Variants in WWOX observed in about 807,000 individuals in gnomAD.
WWOX encodes WW domain-containing oxidoreductase.
In WWOX, 69 loss-of-function variants were observed where a neutral mutation model predicts 46.2. That is an observed-to-expected ratio of 1.49 (90% CI 1.23 to 1.82). The LOEUF (loss-of-function observed/expected upper bound fraction) is 1.82, where lower values mean the gene tolerates loss of function less well. Ranked by LOEUF, WWOX falls within the 40% of genes most tolerant of loss-of-function variation. The pLI, the probability that WWOX is intolerant of heterozygous loss-of-function variation, is 0.00. For synonymous variants in WWOX, 359 were observed against 202.6 expected (o/e 1.77, Z -6.56); for missense variants, 919 against 542.6 (o/e 1.69, Z -6.89).
At chr16:78,784,804 C>T (rs1001309978) in intron 8 of WWOX, among the ~76,000 whole-genome samples, 1 of 152,156 alleles carries the variant, frequency 6.6e-6, no homozygotes, top group African/African-American at 2.4e-5. Flanking sequence ...TAAGGACTCA[C>T]ATGTGTCGGT....
chr16:78,411,540 G>C (rs1038106293), intron 6 of WWOX, among the ~76,000 whole-genome samples: 23 of 152,172 alleles, frequency 1.5e-4, no homozygotes, highest in African/African-American at 5.5e-4. Flanking sequence ...AAGGAGAAGG[G>C]GGTGTAGTTG....
intron 4 of WWOX, among the ~76,000 whole-genome samples, chr16:78,141,885 G>T (rs1177996200): frequency 6.6e-6 from 1 of 151,926 alleles, no homozygotes; most frequent in Non-Finnish European, 1.5e-5. Flanking sequence ...GTTACTGACA[G>T]CCTGTCATAG....
At chr16:78,348,348 C>T (rs1282438206) in intron 5 of WWOX, among the ~76,000 whole-genome samples, 1 of 120,936 alleles carries the variant, frequency 8.3e-6, no homozygotes, top group African/African-American at 2.8e-5. Flanking sequence ...TGGCAAAGAA[C>T]CATCCCAGCA....
intron 8 of WWOX, among the ~76,000 whole-genome samples, chr16:78,678,102 C>A (rs1176229225): frequency 6.6e-6 from 1 of 152,204 alleles, no homozygotes; most frequent in Non-Finnish European, 1.5e-5. Flanking sequence ...CACTGCCCTC[C>A]CCCTCCCCAC....
At chr16:78,666,647 T>C (rs576579626) in intron 8 of WWOX, among the ~76,000 whole-genome samples, 1 of 152,314 alleles carries the variant, frequency 6.6e-6, no homozygotes, top group African/African-American at 2.4e-5. Flanking sequence ...ATCTGCTGAT[T>C]GGCAAGGTCA....
chr16:78,427,834 C>T (rs138469298), intron 7 of WWOX, among the ~76,000 whole-genome samples: 1 of 152,140 alleles, frequency 6.6e-6, no homozygotes, highest in Non-Finnish European at 1.5e-5. Flanking sequence ...GGCACAGTGT[C>T]TCACGCCTGT....
chr16:79,193,129 C>G (rs1471637542), intron 8 of WWOX, among the ~76,000 whole-genome samples: 2 of 152,194 alleles, frequency 1.3e-5, no homozygotes, highest in East Asian at 3.8e-4. Flanking sequence ...AGACTTCATT[C>G]TCTTGTGGGT....
intron 8 of WWOX, among the ~76,000 whole-genome samples, chr16:78,764,283 G>C (rs1323464826): frequency 1.3e-5 from 2 of 151,748 alleles, no homozygotes; most frequent in Non-Finnish European, 2.9e-5. Flanking sequence ...GGGAGGAGCT[G>C]CCACCCAGTC....
At chr16:78,781,862 C>T (rs1214433300) in intron 8 of WWOX, among the ~76,000 whole-genome samples, 1 of 152,188 alleles carries the variant, frequency 6.6e-6, no homozygotes, top group Non-Finnish European at 1.5e-5. Flanking sequence ...GAGCAGGTAA[C>T]ATGCATTGAA....
intron 8 of WWOX, among the ~76,000 whole-genome samples, chr16:78,831,882 G>A (rs548206596): frequency 6.6e-6 from 1 of 152,116 alleles, no homozygotes; most frequent in Non-Finnish European, 1.5e-5. Context: ...TGGCAGGTTC[G>A]CATATTGGTG....
At chr16:78,793,002 C>T (rs977518617) in intron 8 of WWOX, among the ~76,000 whole-genome samples, 1 of 152,196 alleles carries the variant, frequency 6.6e-6, no homozygotes, top group Non-Finnish European at 1.5e-5. Context: ...CATTAAGTCC[C>T]TTAAGATGCG....
Position 78,993,052 on chromosome 16 carries a change from C to T in WWOX, c.1057-218556C>T, listed in dbSNP as rs182260437. Among the ~76,000 whole-genome samples the T allele has an allele frequency of 4.0e-3, 602 of 151,824 alleles. 4 individuals are homozygous for T. The highest frequency in any genetic ancestry group is 6.3e-3 in the Non-Finnish European group (426 of 67,970). On this transcript the variant is annotated intron_variant, in intron 8 of 8. Transcript: ENST00000566780. ...AGGCTTTTTTTCATATATAATTTTT[C>T]ATATAAATGCACATTTTCCCCTTCT...
intron 1 of WWOX, among the ~76,000 whole-genome samples, chr16:78,107,835 T>A (rs1382328878): frequency 1.3e-5 from 2 of 152,126 alleles, no homozygotes; most frequent in African/African-American, 4.8e-5. Flanking sequence ...ATAAACATTT[T>A]AAGAGATTAT....
intron 5 of WWOX, among the ~76,000 whole-genome samples, chr16:78,174,469 C>A (rs938627853): frequency 6.6e-6 from 1 of 151,902 alleles, no homozygotes; most frequent in African/African-American, 2.4e-5. Context: ...GCAGCCAAAC[C>A]ATATCAGACA....
intron 8 of WWOX, among the ~76,000 whole-genome samples, chr16:78,791,638 G>T (rs917854309): frequency 1.6e-4 from 25 of 152,128 alleles, no homozygotes; most frequent in African/African-American, 5.6e-4. Context: ...AGCACTTTGG[G>T]ATAATGAGAT....
intron 8 of WWOX, among the ~76,000 whole-genome samples, chr16:78,451,204 G>C (rs906756011): frequency 2.6e-5 from 4 of 152,068 alleles, no homozygotes; most frequent in African/African-American, 9.7e-5. Context: ...ACTCACCTTT[G>C]GCAAGTCCTC....
intron 8 of WWOX, among the ~76,000 whole-genome samples, chr16:78,689,913 T>C (rs1441707660): frequency 2.0e-5 from 3 of 152,156 alleles, no homozygotes; most frequent in African/African-American, 7.2e-5. Flanking sequence ...CAGGCTGCAG[T>C]GCAGTGATGC....
chr16:78,699,256 C>G (rs28625248), intron 8 of WWOX, among the ~76,000 whole-genome samples: 1 of 151,934 alleles, frequency 6.6e-6, no homozygotes, highest in Non-Finnish European at 1.5e-5. Flanking sequence ...TCATGCAGCA[C>G]GGTGTGATGG....
rs8062889 is a variant in WWOX at position 79,044,971 on chromosome 16, A to G, written c.1057-166637A>G. On this transcript the variant is annotated intron_variant, in intron 8 of 8. Coordinates refer to ENST00000566780, the MANE Select transcript of WWOX (RefSeq NM_016373.4). Reference sequence around the variant, plus strand: ...TGAGATAATGTGCATAAAGATTTACATACATAATAACTGCTCAATAAAGGG... The same window carrying G: ...TGAGATAATGTGCATAAAGATTTACGTACATAATAACTGCTCAATAAAGGG... Among the ~76,000 whole-genome samples, 1,096 of 152,324 alleles carry G rather than the reference A, an allele frequency of 7.2e-3. 11 individuals carry two copies. The highest frequency in any genetic ancestry group is 0.025 in the African/African-American group (1,042 of 41,568).
Sources: allele counts gnomAD v4.1 joint callset (sites outside exome capture counted in the v4.1 genomes callset), GRCh38; gene constraint gnomAD v4.1.1; transcripts MANE v1.5; gene names NCBI Gene and HGNC (gene_info 2026-07-23, HGNC 2026-07-21).